The following KIF1B variants were observed in gnomAD, a reference collection of about 807,000 sequenced individuals.
KIF1B encodes kinesin-like protein KIF1B.
A neutral mutation model predicts 241.9 loss-of-function variants in KIF1B; 76 were observed. The ratio of observed to expected loss-of-function variants is 0.31; its 90% CI spans 0.26 to 0.38. The LOEUF (loss-of-function observed/expected upper bound fraction) is 0.38. Among genes scored for constraint, KIF1B ranks in the 10% least tolerant of loss-of-function variants. The pLI is 1.00. For missense variants in KIF1B, 1,622 were observed against 2,271.4 expected (o/e 0.71, Z 5.81); for synonymous variants, 750 against 796.7 (o/e 0.94, Z 0.99).
rs183842557 is a variant in KIF1B, at chr1:10,231,641, C to G, written c.-79-609C>G. Reference sequence around the variant, plus strand: ...ACCTCAAGTGATCCGCCCAACTTGACTTCCCAAAGTGCTGGGATTACAGGC... The same window carrying G: ...ACCTCAAGTGATCCGCCCAACTTGAGTTCCCAAAGTGCTGGGATTACAGGC... On this transcript the variant is annotated intron_variant, in intron 1 of 48. Transcript: ENST00000676179. 3.2e-3 allele frequency among the ~76,000 whole-genome samples: 484 copies of G among 152,202 alleles called. 12 individuals are homozygous for G. The highest frequency in any genetic ancestry group is 7.5e-4 in the Non-Finnish European group (51 of 68,012).
chr1:10,270,261 G>A (rs1557678377), intron 7 of KIF1B, among the ~76,000 whole-genome samples: 2 of 151,882 alleles, frequency 1.3e-5, no homozygotes, highest in Non-Finnish European at 2.9e-5. Context: ...GCAATTCCCG[G>A]GCAATTCCGG....
At chr1:10,230,912 C>T (rs1646971692) in intron 1 of KIF1B, 1 of 152,056 alleles carries the variant, frequency 6.6e-6, no homozygotes, top group Admixed American at 6.6e-5. Context: ...TCTGAGGGAT[C>T]TTTGAAGTTA....
chr1:10,301,776 C>G (rs1650554647), intron 22 of KIF1B, among the ~76,000 whole-genome samples: 2 of 152,214 alleles, frequency 1.3e-5, no homozygotes, highest in Non-Finnish European at 2.9e-5. Flanking sequence ...GAAATTCTTT[C>G]TAATCCCACT....
chr1:10,360,879 C>A, intron 38 of KIF1B, 50 bp from the exon 39 acceptor site: 1 of 1,267,716 alleles, frequency 7.9e-7, no homozygotes, highest in South Asian at 1.2e-5. Flanking sequence ...CCTGGACTAA[C>A]GTGACTTTAG....
intron 6 of KIF1B, among the ~76,000 whole-genome samples, chr1:10,267,915 G>C (rs1301049025): frequency 6.6e-6 from 1 of 152,190 alleles, no homozygotes; most frequent in African/African-American, 2.4e-5. Context: ...TTTCTAAAGG[G>C]ATAGCTGGAG....
At position 10,376,818 on chromosome 1, in the gene KIF1B, G is replaced by T; in HGVS notation, c.*231G>T. Reference sequence around the variant, plus strand: ...GTTAGTAGCATGTGGCCTAACAAAAGGAAAAAATGTTTTTAAACACACACA... The same window carrying T: ...GTTAGTAGCATGTGGCCTAACAAAATGAAAAAATGTTTTTAAACACACACA... On this transcript the variant is annotated 3_prime_UTR_variant, in exon 49 of 49. Coordinates refer to ENST00000676179, the MANE Select transcript of KIF1B (RefSeq NM_001365951.3). 2.1e-5 allele frequency: 10 copies of T among 485,094 alleles called. No homozygotes were observed. Among genetic ancestry groups the T allele is most frequent in the East Asian group, 3.5e-5 (1 of 28,754 alleles). 30.0% of individuals were successfully genotyped at this position (485,094 alleles called of 1,614,324 possible).
At chr1:10,222,364 G>A (rs113272872) in intron 1 of KIF1B, among the ~76,000 whole-genome samples, 65 of 152,282 alleles carry the variant, frequency 4.3e-4, no homozygotes, top group African/African-American at 1.5e-3. Context: ...GGAAAGCTGA[G>A]ACAGGGGAGG....
chr1:10,317,597 C>T lies in KIF1B; in HGVS notation c.2116-2446C>T, dbSNP rs868323655. ...CTATAATCCCAGCACTTTGGGAGGC[C>T]GAGGTGGGCGGATCACGAGGTAAGG... On this transcript the variant is annotated intron_variant, in intron 22 of 48. Coordinates refer to ENST00000676179, the MANE Select transcript of KIF1B (RefSeq NM_001365951.3). 1.8e-4 allele frequency among the ~76,000 whole-genome samples: 27 copies of T among 151,360 alleles called. 3 individuals are homozygous for T. The highest frequency in any genetic ancestry group is 5.6e-4 in the African/African-American group (23 of 40,766).
At chr1:10,263,201 T>G (rs1396052360) in intron 5 of KIF1B, among the ~76,000 whole-genome samples, 4 of 151,796 alleles carry the variant, frequency 2.6e-5, no homozygotes, top group African/African-American at 7.3e-5. Flanking sequence ...CGAGAATCGC[T>G]TGAACCCAGG....
rs1162688325 is a variant in KIF1B at position 10,210,958 on chromosome 1, C to G, written c.-80+80C>G. Reference sequence around the variant, plus strand: ...GGCCGCTTCCGCGGGGAGGAGCGGCCGGGCCGGGGTCCGGGCGGGGTCTGA... The same window carrying G: ...GGCCGCTTCCGCGGGGAGGAGCGGCGGGGCCGGGGTCCGGGCGGGGTCTGA... On this transcript the variant is annotated intron_variant, in intron 1 of 48. Transcript: ENST00000676179. This position sits in a 1 kb window ranked among gnomAD's most constrained non-coding sequence, Gnocchi z 4.1. The G allele has an allele frequency of 6.6e-6, 1 of 151,734 alleles. No individual in the cohort carries two copies. Among genetic ancestry groups the G allele is most frequent in the Admixed American group, 6.6e-5 (1 of 15,226 alleles). The allele number at this position is 151,734 out of a possible 1,614,324, so 9.4% of individuals were successfully genotyped here.
intron 17 of KIF1B, among the ~76,000 whole-genome samples, chr1:10,292,969 C>T (rs1429262606): frequency 6.6e-6 from 1 of 152,020 alleles, no homozygotes; most frequent in Non-Finnish European, 1.5e-5. Flanking sequence ...GATGATCTCT[C>T]TAAGTTAGGA....
chr1:10,213,744 A>T (rs1229777298), intron 1 of KIF1B, among the ~76,000 whole-genome samples: 1 of 152,208 alleles, frequency 6.6e-6, no homozygotes, highest in Non-Finnish European at 1.5e-5. Flanking sequence ...TCTGTGAAAC[A>T]GTGTGAATAA....
Position 10,365,384 on chromosome 1 carries a change from A to G in KIF1B, c.4513-25A>G, listed in dbSNP as rs761817596. ...GGTCTTAACGAGCTTTGTGTTTGCT[A>G]TAGCAGTAGTATTGATCTTCTCAGG... On this transcript the variant is annotated intron_variant, in intron 42 of 48. Coordinates refer to ENST00000676179, the MANE Select transcript of KIF1B (RefSeq NM_001365951.3). The surrounding 1 kb of genome is among the most constrained non-coding windows in gnomAD (Gnocchi z 4.0). The G allele has an allele frequency of 1.2e-6, 2 of 1,614,138 alleles. No individual in the cohort carries two copies. The highest frequency in any genetic ancestry group is 1.7e-6 in the Non-Finnish European group (2 of 1,180,036).
chr1:10,341,919 T>C, intron 32 of KIF1B, 131 bp from the exon 33 acceptor site: 1 of 714,832 alleles, frequency 1.4e-6, no homozygotes, highest in South Asian at 1.5e-5. Flanking sequence ...CGCATGAGCC[T>C]TGTTTGCGTG....
At position 10,303,250 on chromosome 1, in the gene KIF1B, C is replaced by T. The variant is rs753580945; in HGVS notation, c.2115+6004C>T. 1.2e-6 allele frequency: 2 copies of T among 1,614,152 alleles called. No homozygotes were observed. Among genetic ancestry groups the T allele is most frequent in the South Asian group, 1.1e-5 (1 of 91,082 alleles). On this transcript the variant is annotated intron_variant, in intron 22 of 48. Coordinates refer to ENST00000676179, the MANE Select transcript of KIF1B (RefSeq NM_001365951.3). The surrounding 1 kb of genome is among the most constrained non-coding windows in gnomAD (Gnocchi z 5.2). ...GATTACTTCTCTGAGAGAAAAGCTACCTCCCAGCAAGTTGCAAACCATTGT... is the reference window on the plus strand; with the variant it reads ...GATTACTTCTCTGAGAGAAAAGCTATCTCCCAGCAAGTTGCAAACCATTGT...
chr1:10,267,449 C>T lies in KIF1B; in HGVS notation c.499C>T (p.Arg167Cys). 6.2e-7 allele frequency: 1 copy of T among 1,614,088 alleles called. No individual in the cohort carries two copies. ...LLNPKNKGNL[R>C]VREHPLLGPY... ...GAATCCAAAAAACAAGGGTAATTTGCGTGTGCGTGAACACCCACTTCTTGG... is the reference window on the plus strand; with the variant it reads ...GAATCCAAAAAACAAGGGTAATTTGTGTGTGCGTGAACACCCACTTCTTGG... The change falls in exon 6 of 49, where the codon CGT (arginine) becomes TGT (cysteine). Residue 167 changes from arginine to cysteine, a missense_variant. Physicochemically the swap from Arg to Cys is radical, Grantham distance 180. Transcript: ENST00000676179.
At chr1:10,353,518 C>T (rs574745166) in intron 38 of KIF1B, among the ~76,000 whole-genome samples, 40 of 152,142 alleles carry the variant, frequency 2.6e-4, no homozygotes, top group African/African-American at 9.4e-4. Flanking sequence ...GAAACAGGAG[C>T]GGCTGCCTCT....
intron 1 of KIF1B, among the ~76,000 whole-genome samples, chr1:10,229,867 C>CAAAAAAAAAAAAAAAAAAAAA (rs58923572): frequency 5.3e-5 from 3 of 56,474 alleles, no homozygotes; most frequent in African/African-American, 2.8e-4. Flanking sequence ...GACTCCGTCT[C>CAAAAAAAAAAAAAAAAAAAAA]AAAAAAAAAA....
intron 14 of KIF1B, among the ~76,000 whole-genome samples, chr1:10,280,330 G>A (rs1229640027): frequency 6.6e-6 from 1 of 151,984 alleles, no homozygotes; most frequent in East Asian, 1.9e-4. Context: ...CGCTGCCTGG[G>A]TTCAAGCGAT....
Sources: gnomAD v4.1 joint callset for allele counts (sites outside exome capture counted in the v4.1 genomes callset) on GRCh38, gnomAD v4.1.1 for gene constraint, Gnocchi (gnomAD v3.1) non-coding constraint, MANE v1.5 for transcripts, NCBI Gene and HGNC (gene_info 2026-07-23, HGNC 2026-07-21) for gene names.